Variants in GLIS3 observed in about 807,000 individuals in gnomAD.
GLIS3 encodes the protein zinc finger protein GLIS3.
Under a neutral mutation model 78.6 loss-of-function variants are expected in GLIS3, and 53 were observed. The observed-to-expected ratio is 0.67, with a 90% CI of 0.54 to 0.85. The LOEUF is 0.85. Ranked by LOEUF, GLIS3 falls within the 40% of genes least tolerant of loss-of-function variation. GLIS3 has a pLI of 0.00. For synonymous variants in GLIS3, 684 were observed against 509.9 expected (o/e 1.34, Z -4.60); for missense variants, 1,703 against 1,231.1 (o/e 1.38, Z -5.74).
intron 4 of GLIS3, among the ~76,000 whole-genome samples, chr9:4,024,388 T>C (rs1390505413): frequency 6.6e-6 from 1 of 152,210 alleles, no homozygotes; most frequent in African/African-American, 2.4e-5. Flanking sequence ...ATTTATTATT[T>C]TTTTTCTGCA....
chr9:4,435,786 A>G, the GLIS3 span, among the ~76,000 whole-genome samples: 1 of 152,118 alleles, frequency 6.6e-6, no homozygotes, highest in Admixed American at 6.5e-5. Context: ...TATCTCTACT[A>G]AAAATACAAA....
intron 2 of GLIS3, among the ~76,000 whole-genome samples, chr9:4,265,102 G>A (rs529942486): frequency 8.7e-5 from 13 of 150,120 alleles, no homozygotes; most frequent in Admixed American, 1.3e-4. Context: ...AACCTGGGAG[G>A]TAGAGCTTGC....
At chr9:4,102,334 G>A (rs1035902596) in intron 4 of GLIS3, among the ~76,000 whole-genome samples, 12 of 152,154 alleles carry the variant, frequency 7.9e-5, no homozygotes, top group African/African-American at 1.9e-4. Context: ...GCGGCTAAGC[G>A]AAGTGGTTTT....
chr9:4,272,294 G>T (rs1177816764), intron 2 of GLIS3, among the ~76,000 whole-genome samples: 1 of 152,156 alleles, frequency 6.6e-6, no homozygotes, highest in African/African-American at 2.4e-5. Flanking sequence ...ACATATGCCA[G>T]ACACTACACC....
the GLIS3 span, among the ~76,000 whole-genome samples, chr9:4,423,596 A>G: frequency 6.6e-6 from 1 of 152,172 alleles, no homozygotes; most frequent in African/African-American, 2.4e-5. Context: ...AAGCTCGTAT[A>G]AGGGATTTAT....
At chr9:4,422,435 A>G in the GLIS3 span, among the ~76,000 whole-genome samples, 1 of 152,228 alleles carries the variant, frequency 6.6e-6, no homozygotes, top group Admixed American at 6.5e-5. Context: ...GTGAGATGAT[A>G]AAAAGAAGAC....
upstream of GLIS3, among the ~76,000 whole-genome samples, chr9:4,353,359 T>C (rs555165960): frequency 6.6e-6 from 1 of 152,272 alleles, no homozygotes; most frequent in East Asian, 1.9e-4. Flanking sequence ...CTCGGTCCTC[T>C]GATTTCAGGC....
At position 4,117,813 on chromosome 9, in the gene GLIS3, C is replaced by T; in HGVS notation, c.1665G>A (p.Leu555=). The part of the protein sequence containing the change: ...YKPFNARYKL[L]IHMRVHSGEK... ...CCCCAGAGTGGACTCTCATGTGGAT[C>T]AGCAGTTTATAGCGGGCGTTGAAGG... The change falls in exon 4 of 11, where the codon CTG becomes CTA. Residue 555 remains leucine (L), a synonymous_variant. Transcript: ENST00000381971. 1 of 1,614,170 alleles carries T rather than the reference C, an allele frequency of 6.2e-7. No homozygotes were observed. Among genetic ancestry groups the T allele is most frequent in the Non-Finnish European group, 8.5e-7 (1 of 1,180,034 alleles).
chr9:4,340,272 T>G (rs1034418144), intron 2 of GLIS3, among the ~76,000 whole-genome samples: 3 of 138,656 alleles, frequency 2.2e-5, no homozygotes, highest in Admixed American at 7.9e-5. Flanking sequence ...GATAGAAGTT[T>G]AGGAATTACA....
chr9:4,427,715 C>G, the GLIS3 span, among the ~76,000 whole-genome samples: 2 of 151,810 alleles, frequency 1.3e-5, no homozygotes, highest in South Asian at 2.1e-4. Flanking sequence ...AAAAAGTAGC[C>G]AGGTGTGGTG....
At chr9:4,012,765 C>CTTTT (rs71324278) in intron 4 of GLIS3, among the ~76,000 whole-genome samples, 56 of 66,482 alleles carry the variant, frequency 8.4e-4, no homozygotes, top group East Asian at 9.7e-4. Context: ...TTTTCTTTTT[C>CTTTT]TTTTTTTTTT....
chr9:4,193,506 C>A (rs1187717285), intron 2 of GLIS3, among the ~76,000 whole-genome samples: 1 of 152,202 alleles, frequency 6.6e-6, no homozygotes, highest in African/African-American at 2.4e-5. Flanking sequence ...AGTAAGATGG[C>A]TTCTGTAACT....
At position 4,117,996 on chromosome 9, in the gene GLIS3, G is replaced by C. The variant is rs762288620; in HGVS notation, c.1482C>G (p.Asp494Glu). 1.2e-6 allele frequency: 2 copies of C among 1,610,520 alleles called. No individual in the cohort carries two copies. The highest frequency in any genetic ancestry group is 1.7e-6 in the Non-Finnish European group (2 of 1,178,588). The change falls in exon 4 of 11, where the codon GAC becomes GAG. Residue 494 changes from aspartate (D) to glutamate (E), a missense_variant. Coordinates refer to ENST00000381971, the MANE Select transcript of GLIS3 (RefSeq NM_001042413.2). Reference sequence around the variant, plus strand: ...GGCAGCAATGCTTGCCCCCGATGCCGTCCATCTCCCCGTCGTCGTCCAGGG... The same window carrying C: ...GGCAGCAATGCTTGCCCCCGATGCCCTCCATCTCCCCGTCGTCGTCCAGGG... ...QATLDDDGEM[D>E]GIGGKHCCRW... is the part of the protein sequence containing the mutation.
intron 2 of GLIS3, among the ~76,000 whole-genome samples, chr9:4,193,053 C>T (rs1241243978): frequency 1.3e-5 from 2 of 152,174 alleles, no homozygotes; most frequent in African/African-American, 4.8e-5. Flanking sequence ...AAGCCTTATT[C>T]TTGTAGTCCC....
chr9:3,927,254 G>A (rs1825318866), intron 6 of GLIS3, among the ~76,000 whole-genome samples: 1 of 152,200 alleles, frequency 6.6e-6, no homozygotes, highest in East Asian at 1.9e-4. Context: ...TATTCCTTGA[G>A]ACTGTACTTT....
chr9:4,024,238 A>G (rs972526348), intron 4 of GLIS3, among the ~76,000 whole-genome samples: 4 of 152,236 alleles, frequency 2.6e-5, no homozygotes, highest in Non-Finnish European at 5.9e-5. Context: ...AGTGAATTAA[A>G]TAAACCTTCT....
chr9:4,251,432 T>C (rs1824374112), intron 2 of GLIS3, among the ~76,000 whole-genome samples: 1 of 145,942 alleles, frequency 6.9e-6, no homozygotes, highest in Non-Finnish European at 1.5e-5. Flanking sequence ...TTGCAATCTT[T>C]TTTTTTTTTT....
chr9:4,483,183 A>G, the GLIS3 span, among the ~76,000 whole-genome samples: 2,371 of 148,444 alleles, frequency 0.016, 62 homozygotes, highest in African/African-American at 0.058. Flanking sequence ...GTGATGCTTC[A>G]TATACTATAT....
intron 6 of GLIS3, among the ~76,000 whole-genome samples, chr9:3,903,849 TGAG>T (rs1257840137): frequency 2.6e-5 from 4 of 151,990 alleles, no homozygotes; most frequent in African/African-American, 4.8e-5. Context: ...AGGAAAGACT[TGAG>T]GAGTTGGAGA....
Sources: gnomAD v4.1 joint callset for allele counts (sites outside exome capture counted in the v4.1 genomes callset) on GRCh38, gnomAD v4.1.1 for gene constraint, MANE v1.5 for transcripts, NCBI Gene and HGNC (gene_info 2026-07-23, HGNC 2026-07-21) for gene names.